FYTTD1: variants seen among roughly 807,000 people sequenced by gnomAD.
The protein encoded by FYTTD1 is UAP56-interacting factor.
A neutral mutation model predicts 40.9 loss-of-function variants in FYTTD1; 22 were observed. The observed-to-expected ratio is 0.54, with a 90% CI of 0.38 to 0.77. The LOEUF (loss-of-function observed/expected upper bound fraction) is 0.77. FYTTD1 is among the 30% of genes least tolerant of loss of function. FYTTD1 has a pLI of 0.00. For synonymous variants in FYTTD1, 140 were observed against 137.9 expected (o/e 1.01, Z -0.10); for missense variants, 351 against 392.2 (o/e 0.90, Z 0.89).
chr3:197,770,033 A>C, intron 3 of FYTTD1, 99 bp from the exon 4 acceptor site: 1 of 698,860 alleles, frequency 1.4e-6, no homozygotes, highest in East Asian at 2.7e-5. Context: ...ACATTCAAGC[A>C]GTTGTCAATC....
At chr3:197,766,384 A>G (rs1422549733) in intron 2 of FYTTD1, among the ~76,000 whole-genome samples, 3 of 149,264 alleles carry the variant, frequency 2.0e-5, no homozygotes, top group South Asian at 4.3e-4. Context: ...TGTCAAAAAC[A>G]TGGGATAATA....
intron 2 of FYTTD1, chr3:197,763,613 CA>C (rs200408872): frequency 1.2e-3 from 441 of 353,476 alleles, no homozygotes; most frequent in South Asian, 1.7e-3. Context: ...CCCGTCTCTA[CA>C]AAAAAAAAGA....
At chr3:197,757,010 G>A (rs1173042713) in intron 2 of FYTTD1, among the ~76,000 whole-genome samples, 1 of 152,180 alleles carries the variant, frequency 6.6e-6, no homozygotes, top group African/African-American at 2.4e-5. Flanking sequence ...CTTCGGTAAA[G>A]TTATAGAAAG....
Position 197,750,074 on chromosome 3 carries a change from G to C in FYTTD1, c.103G>C (p.Asp35His). 6.4e-7 allele frequency: 1 copy of C among 1,566,642 alleles called. No individual in the cohort carries two copies. Among genetic ancestry groups the C allele is most frequent in the Non-Finnish European group, 8.6e-7 (1 of 1,157,030 alleles). The change falls in exon 1 of 9, where the codon GAT becomes CAT. Residue 35 changes from aspartate to histidine, a missense_variant and splice_region_variant. By Grantham distance (81) the Asp-to-His change is moderately conservative. Coordinates refer to ENST00000241502, the MANE Select transcript of FYTTD1 (RefSeq NM_032288.7). Reference protein sequence around the residue: ...ENLDKIDMSLDDIIKLNRKEG... With the variant: ...ENLDKIDMSLHDIIKLNRKEG... Reference sequence around the variant, plus strand: ...CCTCGACAAAATAGATATGTCTTTGGGTGAGGGGCCGAGTTGGACCGAGTT... The same window carrying C: ...CCTCGACAAAATAGATATGTCTTTGCGTGAGGGGCCGAGTTGGACCGAGTT...
At chr3:197,773,567 C>T (rs1170206480) in intron 5 of FYTTD1, 68 bp downstream of exon 5, 4 of 893,646 alleles carry the variant, frequency 4.5e-6, no homozygotes, top group Non-Finnish European at 5.4e-6. Flanking sequence ...TCCTGAGCAG[C>T]CACCTTTAGT....
At chr3:197,757,739 C>G (rs916947016) in intron 2 of FYTTD1, among the ~76,000 whole-genome samples, 1 of 152,190 alleles carries the variant, frequency 6.6e-6, no homozygotes, top group African/African-American at 2.4e-5. Flanking sequence ...GGCACCACAG[C>G]ACTCCAGCAT....
intron 2 of FYTTD1, among the ~76,000 whole-genome samples, chr3:197,764,304 A>G (rs1314875832): frequency 6.6e-6 from 1 of 152,228 alleles, no homozygotes; most frequent in Non-Finnish European, 1.5e-5. Flanking sequence ...TACTTTATGT[A>G]ATGTGACAAT....
chr3:197,755,105 T>C (rs1487909417), intron 1 of FYTTD1, among the ~76,000 whole-genome samples: 1 of 152,228 alleles, frequency 6.6e-6, no homozygotes, highest in Non-Finnish European at 1.5e-5. Flanking sequence ...TTTGGAAGTA[T>C]GTTTGGAAGT....
At chr3:197,753,452 C>G (rs1173283710) in intron 1 of FYTTD1, among the ~76,000 whole-genome samples, 1 of 152,124 alleles carries the variant, frequency 6.6e-6, no homozygotes, top group Non-Finnish European at 1.5e-5. Context: ...ACCACTGCTG[C>G]TACTGCTGCT....
intron 8 of FYTTD1, among the ~76,000 whole-genome samples, chr3:197,779,927 GCACACACACCACACC>G: frequency 7.7e-6 from 1 of 129,320 alleles, no homozygotes; most frequent in East Asian, 2.3e-4. Context: ...GGGGATGCAG[GCACACACACCACACC>G]TGGGGATACA....
In FYTTD1 at chr3:197,768,532, C is replaced by T. The variant is rs767355362; in HGVS notation, c.329C>T (p.Thr110Met). 2.1e-5 allele frequency: 34 copies of T among 1,613,540 alleles called. No homozygotes were observed. Among genetic ancestry groups the T allele is most frequent in the Admixed American group, 6.7e-5 (4 of 59,980 alleles). The change falls in exon 3 of 9, where the codon ACG becomes ATG. Residue 110 changes from threonine (T) to methionine (M), a missense_variant. Coordinates refer to ENST00000241502, the MANE Select transcript of FYTTD1 (RefSeq NM_032288.7). ...GVITGLAARK[T>M]TGIRKGISPM... is the part of the protein sequence containing the mutation. ...ATCACTGGCCTTGCAGCTAGGAAAA[C>T]GACTGGAATTCGAAAAGGAATTAGT...
rs566498539 is a variant in FYTTD1 at position 197,782,939 on chromosome 3, T to G, written c.*1030T>G. 3.3e-5 allele frequency: 5 copies of G among 152,750 alleles called. No homozygotes were observed. The highest frequency in any genetic ancestry group is 6.5e-5 in the Admixed American group (1 of 15,300). 9.5% of individuals were successfully genotyped at this position (152,750 alleles called of 1,614,324 possible). Reference sequence around the variant, plus strand: ...GAGCTTTGAAGATTGCTAAATTAAATAATTTATAGCTCCAAAAACAAAAAT... The same window carrying G: ...GAGCTTTGAAGATTGCTAAATTAAAGAATTTATAGCTCCAAAAACAAAAAT... On this transcript the variant is annotated 3_prime_UTR_variant, in exon 9 of 9. Transcript: ENST00000241502.
rs1181606078 is a variant in FYTTD1, at chr3:197,783,241, G to C, written c.*1332G>C. On this transcript the variant is annotated 3_prime_UTR_variant, in exon 9 of 9. Coordinates refer to ENST00000241502, the MANE Select transcript of FYTTD1 (RefSeq NM_032288.7). ...AAAATCTTCCAGCTGTACGTTACAA[G>C]TTTGGTCATTTTGAAGCTTGACATT... is the stretch of plus-strand genomic sequence containing the variant. 1 of 152,586 alleles carries C rather than the reference G, an allele frequency of 6.6e-6. No homozygotes were observed. Among genetic ancestry groups the C allele is most frequent in the Non-Finnish European group, 1.5e-5 (1 of 68,046 alleles). 9.5% of individuals were successfully genotyped at this position (152,586 alleles called of 1,614,324 possible).
At chr3:197,769,622 G>A (rs1038595503) in intron 3 of FYTTD1, among the ~76,000 whole-genome samples, 1 of 151,968 alleles carries the variant, frequency 6.6e-6, no homozygotes, top group Non-Finnish European at 1.5e-5. Flanking sequence ...GATACTTTTC[G>A]CCTCTAACCA....
chr3:197,781,003 C>T (rs949421065), intron 8 of FYTTD1, among the ~76,000 whole-genome samples: 1 of 151,474 alleles, frequency 6.6e-6, no homozygotes, highest in Non-Finnish European at 1.5e-5. Flanking sequence ...ATTGAAGATA[C>T]AAAGGATGGA....
Position 197,756,429 on chromosome 3 carries a change from A to G in FYTTD1, c.107A>G (p.Asp36Gly), listed in dbSNP as rs1560492530. The change falls in exon 2 of 9, where the codon GAT (aspartate) becomes GGT (glycine). Residue 36 changes from aspartate to glycine, a missense_variant. Asp to Gly is a moderately conservative substitution (Grantham distance 94). Transcript: ENST00000241502. ...NLDKIDMSLDDIIKLNRKEGK... is the reference protein window; with the variant it reads ...NLDKIDMSLDGIIKLNRKEGK... ...ATTGACATTTCCTCTATCATAGATG[A>G]TATCATCAAGTTGAATCGAAAGGAA... is the stretch of plus-strand genomic sequence containing the variant. 6.2e-7 allele frequency: 1 copy of G among 1,601,370 alleles called. No homozygotes were observed. Among genetic ancestry groups the G allele is most frequent in the South Asian group, 1.1e-5 (1 of 90,806 alleles).
chr3:197,786,259 G>GCA lies in FYTTD1; in HGVS notation c.*4350_*4351insCA, dbSNP rs1257608117. 2 of 152,088 alleles carry GCA rather than the reference G, an allele frequency of 1.3e-5. No individual in the cohort carries two copies. The highest frequency in any genetic ancestry group is 4.8e-5 in the African/African-American group (2 of 41,318). 9.4% of individuals were successfully genotyped at this position (152,088 alleles called of 1,614,324 possible). A position where few individuals can be genotyped will look rare whatever the true frequency, so the allele number is the denominator to read the frequency against. The stretch of plus-strand genomic sequence containing the variant: ...GCCTCCCAAGTGGCTGGGATTACAG[G>GCA]TGCCCACCACCATGCCCAGTTAATT... On this transcript the variant is annotated 3_prime_UTR_variant, in exon 9 of 9. Transcript: ENST00000241502.
chr3:197,759,963 G>C (rs894932920), intron 2 of FYTTD1, among the ~76,000 whole-genome samples: 4 of 151,888 alleles, frequency 2.6e-5, no homozygotes, highest in Admixed American at 1.3e-4. Context: ...TTGTTCCTCA[G>C]TGGTCGAATG....
Position 197,785,517 on chromosome 3 carries a change from A to G in FYTTD1, c.*3608A>G, listed in dbSNP as rs1367750457. 1.3e-5 allele frequency: 2 copies of G among 152,204 alleles called. No homozygotes were observed. Among genetic ancestry groups the G allele is most frequent in the Non-Finnish European group, 2.9e-5 (2 of 68,040 alleles). The allele number at this position is 152,204 out of a possible 1,614,324, so 9.4% of individuals were successfully genotyped here. ...TGAGTTTTTATTAGACTAGGTATGT[A>G]TATCATTATTAATATTTTACTGTAA... On this transcript the variant is annotated 3_prime_UTR_variant, in exon 9 of 9. Coordinates refer to ENST00000241502, the MANE Select transcript of FYTTD1 (RefSeq NM_032288.7).
Sources: gnomAD v4.1 joint callset for allele counts (sites outside exome capture counted in the v4.1 genomes callset) on GRCh38, gnomAD v4.1.1 for gene constraint, MANE v1.5 for transcripts, NCBI Gene and HGNC (gene_info 2026-07-23, HGNC 2026-07-21) for gene names.